The following OSMR variants were observed in gnomAD, a reference collection of about 807,000 sequenced individuals.
OSMR encodes the protein oncostatin M receptor.
Under a neutral mutation model 99.9 loss-of-function variants are expected in OSMR, and 81 were observed. The observed-to-expected ratio is 0.81, with a 90% CI of 0.68 to 0.97. OSMR has a LOEUF of 0.97. OSMR is among the 50% of genes least tolerant of loss of function. OSMR has a pLI of 0.00. For missense variants in OSMR, 1,099 were observed against 1,153.4 expected (o/e 0.95, Z 0.68); for synonymous variants, 406 against 410.4 (o/e 0.99, Z 0.13).
chr5:38,921,291 G>A (rs572452947), intron 11 of OSMR, among the ~76,000 whole-genome samples: 2 of 151,902 alleles, frequency 1.3e-5, no homozygotes, highest in South Asian at 4.2e-4. Flanking sequence ...TTAGCTCAAG[G>A]GTCATATGAA....
chr5:38,883,927 T>G lies in OSMR; in HGVS notation c.519T>G (p.Ile173Met). ...CCATTTGTTACGTTTCTAGGAACAT[T>G]CAAAATAATGTATCCTGTTATTTGG... ...NVTICYVSRN[I>M]QNNVSCYLEG... Residue 173 changes from isoleucine (I) to methionine (M), a missense_variant, in exon 5 of 18, where the codon ATT becomes ATG. Physicochemically the swap from Ile to Met is conservative, Grantham distance 10. Transcript: ENST00000274276. 6.2e-7 allele frequency: 1 copy of G among 1,614,008 alleles called. No individual in the cohort carries two copies. Among genetic ancestry groups the G allele is most frequent in the Non-Finnish European group, 8.5e-7 (1 of 1,179,846 alleles).
At chr5:38,875,757 A>G (rs1742767258) in intron 2 of OSMR, among the ~76,000 whole-genome samples, 1 of 152,244 alleles carries the variant, frequency 6.6e-6, no homozygotes, top group African/African-American at 2.4e-5. Context: ...GACCATGTCT[A>G]CAGATAATAC....
rs1481241543 is a variant in OSMR at position 38,924,549 on chromosome 5, C to G, written c.1998C>G (p.Ser666=). Reference sequence around the variant, plus strand: ...AAGGGTACCATGTCTATCTGAAATCCAAGGCGAGGCAGTGCCACCCACGAT... The same window carrying G: ...AAGGGTACCATGTCTATCTGAAATCGAAGGCGAGGCAGTGCCACCCACGAT... The part of the protein sequence containing the change: ...FIQGYHVYLK[S]KARQCHPRFE... The change falls in exon 14 of 18, where the codon TCC becomes TCG. Residue 666 remains serine, a synonymous_variant. Coordinates refer to ENST00000274276, the MANE Select transcript of OSMR (RefSeq NM_003999.3). 3 of 1,614,084 alleles carry G rather than the reference C, an allele frequency of 1.9e-6. No homozygotes were observed. The highest frequency in any genetic ancestry group is 2.2e-5 in the South Asian group (2 of 91,072).
intron 13 of OSMR, 124 bp downstream of exon 13, chr5:38,923,378 G>C (rs935893483): frequency 1.5e-5 from 10 of 664,118 alleles, no homozygotes; most frequent in Non-Finnish European, 2.4e-5. Flanking sequence ...ATTTATTCTA[G>C]CAATTGGGTT....
At chr5:38,891,584 T>C (rs4019080) in intron 7 of OSMR, among the ~76,000 whole-genome samples, 2 of 152,088 alleles carry the variant, frequency 1.3e-5, no homozygotes, top group South Asian at 4.1e-4. Context: ...GTGAGAGTTT[T>C]GGGGGAATCC....
At chr5:38,944,280 GT>G in exon 2 of OSMR, 1 of 709,480 alleles carries the variant, frequency 1.4e-6, no homozygotes, top group Non-Finnish European at 2.5e-6. Context: ...GCCATATGTT[GT>G]TTTGGCTGAA....
intron 7 of OSMR, among the ~76,000 whole-genome samples, chr5:38,887,343 G>T (rs1743850730): frequency 1.3e-5 from 2 of 152,130 alleles, no homozygotes; most frequent in African/African-American, 4.8e-5. Flanking sequence ...AAGTTTAAAG[G>T]TTTTTAAGAA....
intron 1 of OSMR, among the ~76,000 whole-genome samples, chr5:38,847,807 G>A (rs1261657709): frequency 2.6e-5 from 4 of 152,138 alleles, no homozygotes; most frequent in Admixed American, 2.0e-4. Flanking sequence ...CCCAGTTCCC[G>A]TTTGTCCCAG....
intron 15 of OSMR, among the ~76,000 whole-genome samples, chr5:38,927,042 A>G (rs13172803): frequency 0.33 from 49,655 of 152,126 alleles, 9,363 homozygotes; most frequent in East Asian, 0.42. Context: ...AAGTTCCAAA[A>G]TGATCTCCTT....
At chr5:38,847,220 T>C (rs1739917019) in intron 1 of OSMR, among the ~76,000 whole-genome samples, 1 of 152,206 alleles carries the variant, frequency 6.6e-6, no homozygotes, top group Non-Finnish European at 1.5e-5. Flanking sequence ...CTTTGGAACA[T>C]GGGTCAAACT....
chr5:38,944,978 C>T (rs1451905059), exon 3 of OSMR: 2 of 1,613,762 alleles, frequency 1.2e-6, no homozygotes, highest in Admixed American at 1.7e-5. Context: ...ATCACTGCAT[C>T]CAGAAATCCC....
At chr5:38,880,092 G>T (rs1033380833) in intron 3 of OSMR, among the ~76,000 whole-genome samples, 1 of 152,172 alleles carries the variant, frequency 6.6e-6, no homozygotes, top group Admixed American at 6.5e-5. Context: ...GAGAAAGGAA[G>T]CCCACAATTA....
At chr5:38,942,173 G>T in intron 1 of OSMR, 1 of 483,142 alleles carries the variant, frequency 2.1e-6, no homozygotes, top group Non-Finnish European at 3.8e-6. Flanking sequence ...TCATGTACCA[G>T]TAACTGCGGA....
At chr5:38,885,601 C>T (rs1743664743) in intron 6 of OSMR, 117 bp downstream of exon 6, 3 of 1,356,250 alleles carry the variant, frequency 2.2e-6, no homozygotes, top group East Asian at 4.6e-5. Flanking sequence ...ATTTCAGAAC[C>T]ACCTGCCAAG....
rs779597531 is a variant in OSMR at position 38,885,450 on chromosome 5, A to T, written c.805A>T (p.Lys269Ter). ...PGTDTALGWS[K>*]QPSQSYTLFE... ...GACGGACACTGCCTTGGGGTGGTCT[A>T]AACAACCTTCCCAAAGCTACACTTT... is the stretch of plus-strand genomic sequence containing the variant. The change falls in exon 6 of 18, where the codon AAA (lysine) becomes TAA (stop). Residue 269 changes from lysine (K) to a stop codon, truncating the protein, a stop_gained. Transcript: ENST00000274276. LOFTEE classifies it high-confidence loss of function. 6.2e-7 allele frequency: 1 copy of T among 1,614,080 alleles called. No individual in the cohort carries two copies. Among genetic ancestry groups the T allele is most frequent in the Non-Finnish European group, 8.5e-7 (1 of 1,179,920 alleles).
intron 7 of OSMR, among the ~76,000 whole-genome samples, chr5:38,895,749 C>T (rs1744464190): frequency 6.6e-6 from 1 of 151,796 alleles, no homozygotes. Context: ...CGGAGAGTTT[C>T]CCCAATGTTT....
intron 1 of OSMR, chr5:38,941,203 T>C (rs1747531663): frequency 4.3e-6 from 1 of 232,838 alleles, no homozygotes; most frequent in Non-Finnish European, 8.5e-6. Flanking sequence ...TAAACCCACC[T>C]ACCACTGCAT....
Position 38,932,919 on chromosome 5 carries a change from T to C in OSMR, c.2415T>C (p.Asp805=), listed in dbSNP as rs921424591. 1 of 1,614,176 alleles carries C rather than the reference T, an allele frequency of 6.2e-7. No homozygotes were observed. Among genetic ancestry groups the C allele is most frequent in the African/African-American group, 1.3e-5 (1 of 75,056 alleles). The change falls in exon 18 of 18, where the codon GAT becomes GAC. Residue 805 remains aspartate (D), a synonymous_variant. Coordinates refer to ENST00000274276, the MANE Select transcript of OSMR (RefSeq NM_003999.3). The part of the protein sequence containing the change: ...IIMNVSDCIP[D]AIEVVSKPEG... ...TGAATGTCAGTGACTGTATCCCAGA[T>C]GCTATTGAAGTTGTAAGCAAGCCAG...
At position 38,869,125 on chromosome 5, in the gene OSMR, G is replaced by T. The variant is rs1742176072; in HGVS notation, c.73+8G>T. The T allele has an allele frequency of 1.3e-6, 2 of 1,597,022 alleles. No individual in the cohort carries two copies. Among genetic ancestry groups the T allele is most frequent in the East Asian group, 2.2e-5 (1 of 44,780 alleles). On this transcript the variant is annotated splice_region_variant and intron_variant, in intron 2 of 17. Coordinates refer to ENST00000274276, the MANE Select transcript of OSMR (RefSeq NM_003999.3). ...GGACTTACCAGAGTGAAGGTAAGAA[G>T]TGGAAGGAACAGTAAAGACAAAAAT...
Sources: allele counts gnomAD v4.1 joint callset (sites outside exome capture counted in the v4.1 genomes callset), GRCh38; gene constraint gnomAD v4.1.1; transcripts MANE v1.5; gene names NCBI Gene and HGNC (gene_info 2026-07-23, HGNC 2026-07-21).